The following TFEC variants were observed in gnomAD, a reference collection of about 807,000 sequenced individuals.
The protein encoded by TFEC is transcription factor EC.
In TFEC, 31 loss-of-function variants were observed where a neutral mutation model predicts 41.6. That is an observed-to-expected ratio of 0.74 (90% CI 0.56 to 1.01). The LOEUF is 1.01. Ranked by LOEUF, TFEC falls within the 50% of genes least tolerant of loss-of-function variation. The probability of loss-of-function intolerance (pLI) is 0.00; values close to 1 mark genes in which losing one functional copy is unlikely to be tolerated. For missense variants in TFEC, 402 were observed against 404.1 expected, an observed-to-expected ratio of 0.99 and a Z score of 0.04; for synonymous variants, 143 against 140.6, an observed-to-expected ratio of 1.02 and a Z score of -0.12.
chr7:116,047,335 G>T (rs1001922603), intron 3 of TFEC, among the ~76,000 whole-genome samples: 1 of 152,104 alleles, frequency 6.6e-6, no homozygotes, highest in Non-Finnish European at 1.5e-5. Context: ...CTTAGCAAAC[G>T]GCACACCAGG....
chr7:116,001,257 C>A (rs1221732093), intron 1 of TFEC, among the ~76,000 whole-genome samples: 1 of 152,028 alleles, frequency 6.6e-6, no homozygotes, highest in Non-Finnish European at 1.5e-5. Flanking sequence ...TACAGAAAAA[C>A]AAATGACAAT....
chr7:115,990,922 A>G (rs1228098199), intron 1 of TFEC, among the ~76,000 whole-genome samples: 2 of 152,196 alleles, frequency 1.3e-5, no homozygotes, highest in Non-Finnish European at 2.9e-5. Context: ...TCTAAGACAC[A>G]TAATTGTGAG....
intron 3 of TFEC, among the ~76,000 whole-genome samples, chr7:115,957,984 C>T (rs1254595702): frequency 2.0e-5 from 3 of 151,828 alleles, no homozygotes; most frequent in African/African-American, 4.8e-5. Context: ...GTTGAAATCA[C>T]GTCAGTTTAT....
chr7:116,076,727 G>GA (rs369884618), intron 3 of TFEC, among the ~76,000 whole-genome samples: 2,410 of 151,954 alleles, frequency 0.016, 68 homozygotes, highest in African/African-American at 0.055. Flanking sequence ...CAAAGACAAA[G>GA]AAAAAAGAAT....
At chr7:115,961,942 CAT>C (rs1439475927) in intron 3 of TFEC, among the ~76,000 whole-genome samples, 1 of 151,694 alleles carries the variant, frequency 6.6e-6, no homozygotes, top group Non-Finnish European at 1.5e-5. Flanking sequence ...TACACACACA[CAT>C]GCACACACGC....
At chr7:116,150,119 C>G (rs1202739323) in intron 1 of TFEC, among the ~76,000 whole-genome samples, 1 of 152,186 alleles carries the variant, frequency 6.6e-6, no homozygotes, top group Non-Finnish European at 1.5e-5. Context: ...ACACCAACAT[C>G]TTTTTCACAC....
upstream of TFEC, among the ~76,000 whole-genome samples, chr7:116,032,143 C>T (rs1397238865): frequency 6.6e-6 from 1 of 152,090 alleles, no homozygotes; most frequent in Non-Finnish European, 1.5e-5. Context: ...GAAACATGCA[C>T]ATAGATACAT....
chr7:115,968,748 G>A (rs1435901141), intron 3 of TFEC, among the ~76,000 whole-genome samples: 4 of 151,782 alleles, frequency 2.6e-5, no homozygotes, highest in South Asian at 2.1e-4. Context: ...CCCTGAGACC[G>A]CTGGCACAGC....
chr7:116,083,657 G>A (rs1584494839), intron 3 of TFEC, among the ~76,000 whole-genome samples: 2 of 152,020 alleles, frequency 1.3e-5, no homozygotes, highest in East Asian at 1.9e-4. Flanking sequence ...GGTCTTAAAT[G>A]TCATTCAAAT....
At chr7:115,973,356 T>C (rs1465523463) in intron 3 of TFEC, among the ~76,000 whole-genome samples, 1 of 151,980 alleles carries the variant, frequency 6.6e-6, no homozygotes, top group East Asian at 1.9e-4. Flanking sequence ...AGATGAATAG[T>C]CCACAACTCA....
intron 3 of TFEC, among the ~76,000 whole-genome samples, chr7:116,037,443 A>AT (rs1348176527): frequency 6.6e-6 from 1 of 151,952 alleles, no homozygotes; most frequent in Non-Finnish European, 1.5e-5. Flanking sequence ...ATAGAACTGG[A>AT]TTTTTTATGC....
At chr7:116,063,236 A>G (rs1796611013) in intron 3 of TFEC, among the ~76,000 whole-genome samples, 2 of 152,232 alleles carry the variant, frequency 1.3e-5, no homozygotes, top group Non-Finnish European at 2.9e-5. Context: ...GCTAATGCAT[A>G]GTGACAGAAA....
chr7:116,014,895 C>T (rs1189076234), intron 1 of TFEC, among the ~76,000 whole-genome samples: 1 of 152,022 alleles, frequency 6.6e-6, no homozygotes. Context: ...AAAACGCAGG[C>T]AAGCACATAT....
intron 1 of TFEC, among the ~76,000 whole-genome samples, chr7:116,001,518 A>C (rs1425193464): frequency 6.6e-6 from 1 of 151,716 alleles, no homozygotes; most frequent in Non-Finnish European, 1.5e-5. Context: ...AACAACCAAC[A>C]AACAAAAAAA....
intron 1 of TFEC, among the ~76,000 whole-genome samples, chr7:116,023,137 G>A (rs1443700859): frequency 6.6e-6 from 1 of 150,648 alleles, no homozygotes; most frequent in African/African-American, 2.4e-5. Flanking sequence ...CCTAAAGAGA[G>A]ACACTTGTCT....
intron 1 of TFEC, among the ~76,000 whole-genome samples, chr7:116,003,569 T>C (rs1011023633): frequency 2.0e-5 from 3 of 152,068 alleles, no homozygotes; most frequent in Non-Finnish European, 4.4e-5. Flanking sequence ...CTGCCAGAAA[T>C]GATTGAATCC....
chr7:116,025,034 T>C (rs1355802199), intron 1 of TFEC, among the ~76,000 whole-genome samples: 1 of 152,172 alleles, frequency 6.6e-6, no homozygotes, highest in East Asian at 1.9e-4. Flanking sequence ...CAAGTGAATT[T>C]AGAGACAGCT....
In TFEC at chr7:115,940,671, T is replaced by C. The variant is rs372140862; in HGVS notation, c.924A>G (p.Leu308=). Residue 308 remains leucine (L), a synonymous_variant, in exon 8 of 8, where the codon CTA becomes CTG. Coordinates refer to ENST00000265440, the MANE Select transcript of TFEC (RefSeq NM_012252.4). ...CAAATGGAGAGATTGTGTCATCCAA[T>C]AGCATGCCATCCAATCTTTGTTCCT... is the stretch of plus-strand genomic sequence containing the variant. ...LKEEQRLDGM[L]LDDTISPFGT... 1.9e-6 allele frequency: 3 copies of C among 1,613,474 alleles called. No homozygotes were observed. The highest frequency in any genetic ancestry group is 2.7e-5 in the African/African-American group (2 of 74,884).
Position 115,940,381 on chromosome 7 carries a change from C to A in TFEC, c.*170G>T. 1 of 699,576 alleles carries A rather than the reference C, an allele frequency of 1.4e-6. No homozygotes were observed. The highest frequency in any genetic ancestry group is 2.2e-6 in the Non-Finnish European group (1 of 455,276). The allele number at this position is 699,576 out of a possible 1,614,324, so 43.3% of individuals were successfully genotyped here. A position where few individuals can be genotyped will look rare whatever the true frequency, so the allele number is the denominator to read the frequency against. ...TTTCGCCCTCAATAATTCATTAACA[C>A]TATGATTTTTCTTCCTGCGAATTCT... On this transcript the variant is annotated 3_prime_UTR_variant, in exon 8 of 8. Coordinates refer to ENST00000265440, the MANE Select transcript of TFEC (RefSeq NM_012252.4).
Sources: allele counts gnomAD v4.1 joint callset (sites outside exome capture counted in the v4.1 genomes callset), GRCh38; gene constraint gnomAD v4.1.1; transcripts MANE v1.5; gene names NCBI Gene and HGNC (gene_info 2026-07-23, HGNC 2026-07-21).